The following CACNA2D1 variants were observed in gnomAD, a reference collection of about 807,000 sequenced individuals.
The protein encoded by CACNA2D1 is voltage-dependent calcium channel subunit alpha-2/delta-1.
A neutral mutation model predicts 171.5 loss-of-function variants in CACNA2D1; 53 were observed. The observed-to-expected ratio is 0.31, with a 90% CI of 0.25 to 0.39. CACNA2D1 has a LOEUF of 0.39. Ranked by LOEUF, CACNA2D1 falls within the 10% of genes least tolerant of loss-of-function variation. The probability of loss-of-function intolerance (pLI) is 1.00; values close to 1 mark genes in which losing one functional copy is unlikely to be tolerated. For missense variants in CACNA2D1, 903 were observed against 1,299.8 expected, an observed-to-expected ratio of 0.69 and a Z score of 4.69; for synonymous variants, 442 against 443.1, an observed-to-expected ratio of 1.00 and a Z score of 0.03.
At chr7:82,176,008 T>C (rs548307783) in intron 3 of CACNA2D1, among the ~76,000 whole-genome samples, 5 of 151,966 alleles carry the variant, frequency 3.3e-5, no homozygotes, top group Non-Finnish European at 7.4e-5. Flanking sequence ...TATAAAACCA[T>C]AGGGTAACCA....
chr7:82,378,040 C>A (rs1317070687), intron 1 of CACNA2D1, among the ~76,000 whole-genome samples: 1 of 152,128 alleles, frequency 6.6e-6, no homozygotes, highest in African/African-American at 2.4e-5. Context: ...AATATAGCTA[C>A]TTAGCATTAC....
At chr7:82,351,633 T>C (rs1035230641) in intron 1 of CACNA2D1, among the ~76,000 whole-genome samples, 2 of 152,098 alleles carry the variant, frequency 1.3e-5, no homozygotes, top group African/African-American at 2.4e-5. Flanking sequence ...GAATAATGTA[T>C]AAAATAGAGA....
chr7:82,250,055 G>A (rs1805444644), intron 3 of CACNA2D1, among the ~76,000 whole-genome samples: 1 of 152,234 alleles, frequency 6.6e-6, no homozygotes. Flanking sequence ...GGTGAAGGCA[G>A]AAGCAAGCAA....
intron 9 of CACNA2D1, among the ~76,000 whole-genome samples, chr7:82,061,479 A>C (rs1011237892): frequency 6.6e-6 from 1 of 152,106 alleles, no homozygotes; most frequent in East Asian, 1.9e-4. Flanking sequence ...TCCTGACCTA[A>C]TATTTTTAAC....
chr7:81,974,474 T>C lies in CACNA2D1; in HGVS notation c.2034A>G (p.Lys678=). Residue 678 remains lysine, a synonymous_variant, in exon 25 of 39, where the codon AAA becomes AAG. Coordinates refer to ENST00000356860, the MANE Select transcript of CACNA2D1 (RefSeq NM_000722.4). Reference sequence around the variant, plus strand: ...ACTTACATGATGGGTTGTTTGGAGTTTTTCTATCAATAAACTCGTTGAAAT... The same window carrying C: ...ACTTACATGATGGGTTGTTTGGAGTCTTTCTATCAATAAACTCGTTGAAAT... ...LLNFNEFIDR[K]TPNNPSCNAD... is the part of the protein sequence containing the mutation. 1.3e-6 allele frequency: 2 copies of C among 1,554,642 alleles called. No individual in the cohort carries two copies.
chr7:82,069,847 A>G (rs1264058852), intron 7 of CACNA2D1, among the ~76,000 whole-genome samples: 1 of 152,100 alleles, frequency 6.6e-6, no homozygotes, highest in African/African-American at 2.4e-5. Flanking sequence ...ATTTTTTCTA[A>G]TCCTAAAAAC....
intron 6 of CACNA2D1, among the ~76,000 whole-genome samples, chr7:82,109,454 G>A (rs1788119495): frequency 6.6e-6 from 1 of 152,100 alleles, no homozygotes; most frequent in Admixed American, 6.5e-5. Context: ...GTCACGGTGA[G>A]GATATTCATA....
intron 15 of CACNA2D1, chr7:82,009,176 C>G (rs1360230745): frequency 6.6e-6 from 1 of 152,092 alleles, no homozygotes. Flanking sequence ...CTTCGCTCAA[C>G]ACTTATTCTC....
At chr7:82,273,596 T>C (rs1220349805) in intron 3 of CACNA2D1, among the ~76,000 whole-genome samples, 1 of 152,148 alleles carries the variant, frequency 6.6e-6, no homozygotes, top group Non-Finnish European at 1.5e-5. Flanking sequence ...CAAGTGATCC[T>C]CCTGCTTCAG....
At chr7:82,151,924 A>G (rs2129111247) in intron 4 of CACNA2D1, among the ~76,000 whole-genome samples, 1 of 152,232 alleles carries the variant, frequency 6.6e-6, no homozygotes, top group South Asian at 2.1e-4. Flanking sequence ...TTCCCTCTCT[A>G]CAAAACTAGA....
intron 25 of CACNA2D1, among the ~76,000 whole-genome samples, chr7:81,972,455 G>A (rs10236800): frequency 6.6e-6 from 1 of 151,808 alleles, no homozygotes; most frequent in African/African-American, 2.4e-5. Context: ...ATATCGAGGA[G>A]CAAGGAATGG....
chr7:82,163,437 T>C (rs542841884), intron 4 of CACNA2D1, among the ~76,000 whole-genome samples: 9 of 152,116 alleles, frequency 5.9e-5, no homozygotes, highest in Non-Finnish European at 8.8e-5. Context: ...TGGAGGTCAA[T>C]TGATTATCAT....
intron 38 of CACNA2D1, among the ~76,000 whole-genome samples, chr7:81,951,976 T>TTTTTTTGTTGTTGTTGTTG (rs1356768518): frequency 1.4e-5 from 2 of 148,004 alleles, no homozygotes; most frequent in African/African-American, 5.0e-5. Context: ...AGTGTTTTTT[T>TTTTTTTGTTGTTGTTGTTG]TTTTTTTTTT....
chr7:82,020,439 T>C (rs536521008), intron 12 of CACNA2D1, among the ~76,000 whole-genome samples: 1 of 152,280 alleles, frequency 6.6e-6, no homozygotes, highest in Non-Finnish European at 1.5e-5. Context: ...GTGATGATGA[T>C]ATTATTATTA....
At chr7:82,256,060 T>C (rs1018369325) in intron 3 of CACNA2D1, among the ~76,000 whole-genome samples, 11 of 152,156 alleles carry the variant, frequency 7.2e-5, no homozygotes, top group African/African-American at 2.7e-4. Flanking sequence ...ACGGATCACT[T>C]GAAGTCAGGA....
chr7:82,326,242 T>C (rs1489205387), intron 3 of CACNA2D1, among the ~76,000 whole-genome samples: 10 of 152,248 alleles, frequency 6.6e-5, no homozygotes, highest in African/African-American at 2.4e-4. Context: ...AGCTTAGTGA[T>C]ATTTTTGTGA....
intron 6 of CACNA2D1, among the ~76,000 whole-genome samples, chr7:82,096,702 C>G (rs188999754): frequency 8.5e-4 from 127 of 149,382 alleles, no homozygotes; most frequent in African/African-American, 3.1e-3. Flanking sequence ...AACAAAACAT[C>G]CAAACAGATA....
chr7:81,987,042 T>C (rs374270350), intron 21 of CACNA2D1, among the ~76,000 whole-genome samples: 1 of 152,142 alleles, frequency 6.6e-6, no homozygotes, highest in East Asian at 1.9e-4. Context: ...ACATCTAATA[T>C]ACCATAAATA....
intron 3 of CACNA2D1, among the ~76,000 whole-genome samples, chr7:82,232,693 G>A (rs558596705): frequency 6.6e-6 from 1 of 151,404 alleles, no homozygotes; most frequent in Non-Finnish European, 1.5e-5. Flanking sequence ...GTGAAACCCC[G>A]TCTCTACTAA....
Sources: allele counts gnomAD v4.1 joint callset (sites outside exome capture counted in the v4.1 genomes callset), GRCh38; gene constraint gnomAD v4.1.1; transcripts MANE v1.5; gene names NCBI Gene and HGNC (gene_info 2026-07-23, HGNC 2026-07-21).